ZNF480: variants seen among roughly 807,000 people sequenced by gnomAD.
ZNF480 encodes zinc finger protein 480.
In ZNF480, 15 loss-of-function variants were observed where a neutral mutation model predicts 14.4. That is an observed-to-expected ratio of 1.04 (90% confidence interval 0.70 to 1.60). The LOEUF is 1.60. Ranked by LOEUF, ZNF480 falls within the 40% of genes most tolerant of loss-of-function variation. ZNF480 has a pLI of 0.00. For synonymous variants in ZNF480, 218 were observed against 215.5 expected (o/e 1.01, Z -0.10); for missense variants, 593 against 629.7 (o/e 0.94, Z 0.62).
chr19:52,298,098 G>T (rs558201576), intron 1 of ZNF480, among the ~76,000 whole-genome samples: 1 of 151,964 alleles, frequency 6.6e-6, no homozygotes, highest in South Asian at 2.1e-4. Flanking sequence ...TAGTGAGAGG[G>T]GCAGCAAAGT....
intron 4 of ZNF480, among the ~76,000 whole-genome samples, chr19:52,321,001 G>A (rs1983784378): frequency 6.6e-6 from 1 of 152,098 alleles, no homozygotes; most frequent in Admixed American, 6.6e-5. Context: ...ATAAATATTT[G>A]TCTAGTAATT....
intron 1 of ZNF480, 133 bp from the exon 2 acceptor site, chr19:52,300,261 T>C: frequency 1.1e-6 from 1 of 946,904 alleles, no homozygotes; most frequent in Non-Finnish European, 1.6e-6. Flanking sequence ...TTCTTGTCTC[T>C]GCATCAACTC....
At chr19:52,300,188 C>G (rs1040299732) in intron 1 of ZNF480, among the ~76,000 whole-genome samples, 4 of 152,184 alleles carry the variant, frequency 2.6e-5, no homozygotes, top group Admixed American at 2.0e-4. Flanking sequence ...GTGGGCATCT[C>G]TAGGAGGGGA....
chr19:52,309,062 G>A (rs530171438), intron 2 of ZNF480, among the ~76,000 whole-genome samples: 8 of 152,142 alleles, frequency 5.3e-5, no homozygotes, highest in Non-Finnish European at 1.0e-4. Context: ...AGCAAGTCCT[G>A]TAGAATTATA....
intron 4 of ZNF480, among the ~76,000 whole-genome samples, chr19:52,316,280 G>A (rs1390616403): frequency 6.7e-6 from 1 of 149,206 alleles, no homozygotes; most frequent in African/African-American, 2.5e-5. Context: ...GGGCTGAAGT[G>A]CAGTGGCGCT....
At chr19:52,302,929 C>T (rs968801648) in intron 2 of ZNF480, among the ~76,000 whole-genome samples, 2 of 152,134 alleles carry the variant, frequency 1.3e-5, no homozygotes, top group African/African-American at 4.8e-5. Flanking sequence ...GTTAAAGGTC[C>T]TGGAAAGGGT....
At chr19:52,307,811 A>T (rs1285887646) in intron 2 of ZNF480, among the ~76,000 whole-genome samples, 1 of 152,164 alleles carries the variant, frequency 6.6e-6, no homozygotes, top group Non-Finnish European at 1.5e-5. Flanking sequence ...TACTCATCCT[A>T]TTGTTTGTGG....
Position 52,322,205 on chromosome 19 carries a change from G to A in ZNF480, c.955G>A (p.Glu319Lys). 1 of 1,614,048 alleles carries A rather than the reference G, an allele frequency of 6.2e-7. No individual in the cohort carries two copies. Among genetic ancestry groups the A allele is most frequent in the Non-Finnish European group, 8.5e-7 (1 of 1,180,018 alleles). The change falls in exon 5 of 5, where the codon GAA becomes AAA. Residue 319 changes from glutamate (E) to lysine (K), a missense_variant. Physicochemically the swap from Glu to Lys is moderately conservative, Grantham distance 56. Coordinates refer to ENST00000595962, the MANE Select transcript of ZNF480 (RefSeq NM_144684.4). The part of the protein sequence containing the change: ...HAEEKPYKCN[E>K]CGKGFSHKSS... ...TGAAGAGAAACCTTACAAATGTAAT[G>A]AATGTGGTAAAGGCTTCAGTCATAA...
At chr19:52,300,672 T>A in intron 2 of ZNF480, 188 bp downstream of exon 2, 1 of 949,220 alleles carries the variant, frequency 1.1e-6, no homozygotes, top group Non-Finnish European at 1.6e-6. Context: ...CTAGAGGAAT[T>A]AAAGACACAG....
At chr19:52,311,004 CAAA>C (rs972255252) in intron 2 of ZNF480, among the ~76,000 whole-genome samples, 22 of 59,890 alleles carry the variant, frequency 3.7e-4, no homozygotes, top group African/African-American at 1.1e-3. Context: ...GATTCCGCCT[CAAA>C]AAAAAAAAAA....
intron 2 of ZNF480, among the ~76,000 whole-genome samples, chr19:52,312,524 A>T (rs1983338712): frequency 6.6e-6 from 1 of 152,088 alleles, no homozygotes. Flanking sequence ...TTTCTTAGGT[A>T]ATTGTCAATT....
At position 52,304,326 on chromosome 19, in the gene ZNF480, C is replaced by T. The variant is rs535796648; in HGVS notation, c.72+3842C>T. Reference sequence around the variant, plus strand: ...GAAAAGGCAGTCCTGGCTGCAATGTCCCCATAGGTTGTATAACTGAATTAA... The same window carrying T: ...GAAAAGGCAGTCCTGGCTGCAATGTTCCCATAGGTTGTATAACTGAATTAA... On this transcript the variant is annotated intron_variant, in intron 2 of 4. Transcript: ENST00000595962. Among the ~76,000 whole-genome samples, 4 of 152,312 alleles carry T rather than the reference C, an allele frequency of 2.6e-5. No individual in the cohort carries two copies. In the South Asian group the frequency reaches 8.3e-4, roughly 32 times the overall value.
rs528142567 is a variant in ZNF480 at position 52,322,230 on chromosome 19, A to G, written c.980A>G (p.Lys327Arg). Residue 327 changes from lysine (K) to arginine (R), a missense_variant, in exon 5 of 5, where the codon AAG becomes AGG. Lys to Arg is a conservative substitution (Grantham distance 26, BLOSUM62 2). Transcript: ENST00000595962. ...CNECGKGFSH[K>R]SSLANHWRIY... is the part of the protein sequence containing the mutation. ...GAATGTGGTAAAGGCTTCAGTCATA[A>G]GTCATCTCTAGCAAATCATTGGAGA... 7 of 1,614,026 alleles carry G rather than the reference A, an allele frequency of 4.3e-6. No individual in the cohort carries two copies. Among genetic ancestry groups the G allele is most frequent in the South Asian group, 3.3e-5 (3 of 91,080 alleles).
chr19:52,303,169 A>C (rs1388649225), intron 2 of ZNF480, among the ~76,000 whole-genome samples: 1 of 152,230 alleles, frequency 6.6e-6, no homozygotes, highest in Non-Finnish European at 1.5e-5. Context: ...GCTGAAGTAT[A>C]GGGCGTGTGG....
chr19:52,302,342 T>TC (rs1982733938), intron 2 of ZNF480, among the ~76,000 whole-genome samples: 1 of 152,230 alleles, frequency 6.6e-6, no homozygotes, highest in African/African-American at 2.4e-5. Flanking sequence ...TAATTGCAGT[T>TC]CCATAATCAC....
intron 4 of ZNF480, 46 bp downstream of exon 4, chr19:52,316,008 C>CT (rs568704933): frequency 6.6e-4 from 969 of 1,467,338 alleles, no homozygotes; most frequent in South Asian, 1.1e-3. Context: ...GTTGTTTGGG[C>CT]TTTTTTTTTG....
rs147624104 is a variant in ZNF480 at position 52,304,157 on chromosome 19, A to G, written c.72+3673A>G. Among the ~76,000 whole-genome samples, 573 of 152,364 alleles carry G rather than the reference A, an allele frequency of 3.8e-3. 9 individuals carry two copies. The highest frequency in any genetic ancestry group is 0.028 in the East Asian group (146 of 5,188). ...ACATGCCTTGTGGCAACACTTTCCA[A>G]TGAAAACGCTTAGCAGGCTGCAGGT... On this transcript the variant is annotated intron_variant, in intron 2 of 4. Coordinates refer to ENST00000595962, the MANE Select transcript of ZNF480 (RefSeq NM_144684.4).
Position 52,325,267 on chromosome 19 carries a change from C to G in ZNF480, c.*2409C>G, listed in dbSNP as rs1414146891. The G allele has an allele frequency of 1.3e-5, 2 of 152,130 alleles. No homozygotes were observed. Among genetic ancestry groups the G allele is most frequent in the Non-Finnish European group, 2.9e-5 (2 of 68,004 alleles). The allele number at this position is 152,130 out of a possible 1,614,324, so 9.4% of individuals were successfully genotyped here. ...ATCAGAATGGGTATTATTAAAAAAT[C>G]AAAACATAGATGCTAGTGAGGCTGC... is the stretch of plus-strand genomic sequence containing the variant. On this transcript the variant is annotated 3_prime_UTR_variant, in exon 5 of 5. Transcript: ENST00000595962.
intron 1 of ZNF480, among the ~76,000 whole-genome samples, chr19:52,299,566 G>A (rs1982585196): frequency 6.6e-6 from 1 of 152,200 alleles, no homozygotes; most frequent in South Asian, 2.1e-4. Context: ...ACTCAAGGAA[G>A]CATTTTGCTT....
Sources: gnomAD v4.1 joint callset for allele counts (sites outside exome capture counted in the v4.1 genomes callset) on GRCh38, gnomAD v4.1.1 for gene constraint, MANE v1.5 for transcripts, NCBI Gene and HGNC (gene_info 2026-07-23, HGNC 2026-07-21) for gene names.